The following PTPRD variants were observed in gnomAD, a reference collection of about 807,000 sequenced individuals.
The protein encoded by PTPRD is receptor-type tyrosine-protein phosphatase delta.
A neutral mutation model predicts 214.5 loss-of-function variants in PTPRD; 34 were observed. The ratio of observed to expected loss-of-function variants is 0.16; its 90% CI spans 0.12 to 0.21. PTPRD has a LOEUF of 0.21. PTPRD is among the 10% of genes least tolerant of loss of function. PTPRD has a pLI of 1.00. For synonymous variants in PTPRD, 1,128 were observed against 845.7 expected (o/e 1.33, Z -5.79); for missense variants, 2,545 against 2,398.7 (o/e 1.06, Z -1.27).
intron 2 of PTPRD, among the ~76,000 whole-genome samples, chr9:10,359,734 T>C (rs2097341406): frequency 6.6e-6 from 1 of 152,168 alleles, no homozygotes; most frequent in African/African-American, 2.4e-5. Context: ...ATTAACTCTA[T>C]AAGTAATTTG....
At chr9:8,824,171 C>A (rs1183621545) in intron 11 of PTPRD, among the ~76,000 whole-genome samples, 3 of 152,160 alleles carry the variant, frequency 2.0e-5, no homozygotes, top group Non-Finnish European at 2.9e-5. Context: ...TTATCTTATC[C>A]TGTGACTTAG....
chr9:8,381,562 T>C (rs1252516998), intron 37 of PTPRD, among the ~76,000 whole-genome samples: 1 of 152,294 alleles, frequency 6.6e-6, no homozygotes, highest in Non-Finnish European at 1.5e-5. Context: ...TACTAATCAC[T>C]ATTTAGTGGA....
At chr9:10,330,972 T>A (rs994423527) in intron 3 of PTPRD, among the ~76,000 whole-genome samples, 1 of 151,758 alleles carries the variant, frequency 6.6e-6, no homozygotes, top group Non-Finnish European at 1.5e-5. Flanking sequence ...TCTTTATGGG[T>A]CCCAGTTCAT....
intron 9 of PTPRD, among the ~76,000 whole-genome samples, chr9:9,237,915 G>A (rs1569565261): frequency 6.6e-6 from 1 of 152,110 alleles, no homozygotes; most frequent in Non-Finnish European, 1.5e-5. Context: ...GCTCCTCTAA[G>A]AACTGTTCCT....
At chr9:9,963,636 G>A (rs1303930712) in intron 4 of PTPRD, among the ~76,000 whole-genome samples, 4 of 152,150 alleles carry the variant, frequency 2.6e-5, no homozygotes, top group Admixed American at 2.0e-4. Context: ...ATTTGGGTAG[G>A]TAGAGACAGT....
At chr9:10,025,245 C>G (rs1177235846) in intron 4 of PTPRD, among the ~76,000 whole-genome samples, 2 of 152,106 alleles carry the variant, frequency 1.3e-5, no homozygotes, top group Non-Finnish European at 2.9e-5. Flanking sequence ...ACAGTCCCAC[C>G]AACAGTGTAA....
chr9:9,706,604 TA>T (rs1240077693), intron 7 of PTPRD, among the ~76,000 whole-genome samples: 2 of 152,052 alleles, frequency 1.3e-5, no homozygotes, highest in Non-Finnish European at 2.9e-5. Context: ...CACACCCAGC[TA>T]TTTTTTGTAT....
At chr9:10,107,206 G>T (rs150571797) in intron 3 of PTPRD, among the ~76,000 whole-genome samples, 7 of 151,918 alleles carry the variant, frequency 4.6e-5, no homozygotes, top group Non-Finnish European at 1.0e-4. Context: ...ATGAAATACC[G>T]GTCAGAGATG....
At chr9:9,626,774 T>C (rs1438017321) in intron 7 of PTPRD, among the ~76,000 whole-genome samples, 1 of 152,146 alleles carries the variant, frequency 6.6e-6, no homozygotes, top group Admixed American at 6.6e-5. Flanking sequence ...TAAAATGAAA[T>C]GGCTCGCCCC....
At chr9:8,674,599 T>C (rs2097362646) in intron 12 of PTPRD, among the ~76,000 whole-genome samples, 2 of 151,944 alleles carry the variant, frequency 1.3e-5, no homozygotes, top group South Asian at 4.1e-4. Flanking sequence ...GAGCTCTAAG[T>C]AAGGCACTAG....
intron 8 of PTPRD, among the ~76,000 whole-genome samples, chr9:9,431,688 A>T (rs1032449134): frequency 5.3e-5 from 8 of 152,042 alleles, no homozygotes; most frequent in African/African-American, 1.2e-4. Context: ...GTTTAAGAAA[A>T]TGTGGCACAT....
intron 14 of PTPRD, among the ~76,000 whole-genome samples, chr9:8,551,169 C>T (rs1362365360): frequency 2.0e-5 from 3 of 152,310 alleles, no homozygotes; most frequent in African/African-American, 7.2e-5. Flanking sequence ...TTTCTAATAA[C>T]TGGTAATCCC....
intron 2 of PTPRD, among the ~76,000 whole-genome samples, chr9:10,565,603 A>C (rs1252220741): frequency 6.6e-6 from 1 of 152,126 alleles, no homozygotes; most frequent in Non-Finnish European, 1.5e-5. Context: ...AAACACACAC[A>C]AACACACCCC....
chr9:10,565,428 G>C (rs1462049465), intron 2 of PTPRD, among the ~76,000 whole-genome samples: 1 of 152,050 alleles, frequency 6.6e-6, no homozygotes, highest in Non-Finnish European at 1.5e-5. Flanking sequence ...CAAGCATAAT[G>C]TATTAAGAAT....
At chr9:8,940,721 C>A (rs1211320932) in intron 11 of PTPRD, among the ~76,000 whole-genome samples, 1 of 152,022 alleles carries the variant, frequency 6.6e-6, no homozygotes, top group Non-Finnish European at 1.5e-5. Context: ...CTCCATCTTT[C>A]CCAAGCCAAT....
At chr9:8,847,904 A>G (rs1044736355) in intron 11 of PTPRD, among the ~76,000 whole-genome samples, 6 of 152,218 alleles carry the variant, frequency 3.9e-5, no homozygotes, top group South Asian at 2.1e-4. Context: ...GAATGCATAT[A>G]TAACAGTCAC....
chr9:9,893,317 A>G (rs2073992950), intron 5 of PTPRD, among the ~76,000 whole-genome samples: 1 of 152,118 alleles, frequency 6.6e-6, no homozygotes, highest in Admixed American at 6.6e-5. Flanking sequence ...GCTCCCAATT[A>G]AAAGACACAG....
intron 2 of PTPRD, among the ~76,000 whole-genome samples, chr9:10,536,073 G>A (rs1047094727): frequency 2.6e-5 from 4 of 152,084 alleles, no homozygotes; most frequent in African/African-American, 7.2e-5. Flanking sequence ...TGAGTGAGCG[G>A]GTGTCGTGCT....
At chr9:9,408,111 GA>G (rs1423096998) in intron 8 of PTPRD, among the ~76,000 whole-genome samples, 2 of 151,608 alleles carry the variant, frequency 1.3e-5, no homozygotes, top group Non-Finnish European at 3.0e-5. Flanking sequence ...GCAGTAGAGA[GA>G]AAAAAATACA....
Sources: allele counts gnomAD v4.1 joint callset (sites outside exome capture counted in the v4.1 genomes callset), GRCh38; gene constraint gnomAD v4.1.1; transcripts MANE v1.5; gene names NCBI Gene and HGNC (gene_info 2026-07-23, HGNC 2026-07-21).